IL1RAPL2: variants seen among roughly 807,000 people sequenced by gnomAD.
IL1RAPL2 encodes interleukin 1 receptor accessory protein like 2.
In IL1RAPL2, 3 loss-of-function variants were observed where a neutral mutation model predicts 44.1. The ratio of observed to expected loss-of-function variants is 0.07; its 90% confidence interval spans 0.03 to 0.18. The LOEUF is 0.18. IL1RAPL2 is among the 10% of genes least tolerant of loss of function. The pLI, the probability that IL1RAPL2 is intolerant of heterozygous loss-of-function variation, is 1.00. For missense variants in IL1RAPL2, 391 were observed against 496.4 expected (o/e 0.79, Z 2.02); for synonymous variants, 181 against 178.8 (o/e 1.01, Z -0.10).
At chrX:105,051,394 C>A (rs2031922793) in intron 2 of IL1RAPL2, among the ~76,000 whole-genome samples, 1 of 112,974 alleles carries the variant, frequency 8.9e-6, no homozygotes, top group Admixed American at 9.2e-5. Flanking sequence ...TCAGCCAACT[C>A]AGAATGGGTG....
intron 5 of IL1RAPL2, among the ~76,000 whole-genome samples, chrX:105,458,687 CTT>C (rs746061454): frequency 9.0e-6 from 1 of 111,669 alleles, no homozygotes; most frequent in Non-Finnish European, 1.9e-5. Context: ...CAGTCAGCCT[CTT>C]ATCAATTCCC....
intron 1 of IL1RAPL2, among the ~76,000 whole-genome samples, chrX:104,657,129 C>A (rs764006149): frequency 1.0e-3 from 115 of 111,223 alleles, no homozygotes; most frequent in African/African-American, 3.6e-3. Context: ...ACTCTTTATC[C>A]AATTTGCCAG....
At chrX:105,749,262 A>C (rs751067416) in intron 9 of IL1RAPL2, among the ~76,000 whole-genome samples, 159 bp downstream of exon 9, 4 of 112,376 alleles carry the variant, frequency 3.6e-5, no homozygotes, top group Non-Finnish European at 7.5e-5. Context: ...CTTACCAAGA[A>C]AAAGAGAAAA....
chrX:105,431,818 T>C (rs901692859), intron 5 of IL1RAPL2, among the ~76,000 whole-genome samples: 1 of 111,467 alleles, frequency 9.0e-6, no homozygotes, highest in Non-Finnish European at 1.9e-5. Context: ...TAAGTGAATC[T>C]ATGAGAATGA....
chrX:104,644,682 GA>G lies in IL1RAPL2; in HGVS notation c.-19-14205del, dbSNP rs946225972. 2.7e-5 allele frequency among the ~76,000 whole-genome samples: 3 copies of G among 109,750 alleles called. No individual in the cohort carries two copies. The Admixed American group carries it at 2.9e-4, about 11-fold the overall frequency. ...GTTCAAGTCCCTCCTATTCACTAAA[GA>G]AAAAAAAGTCTGATGGTATTCCCCC... On this transcript the variant is annotated intron_variant, in intron 1 of 10. Coordinates refer to ENST00000372582, the MANE Select transcript of IL1RAPL2 (RefSeq NM_017416.2).
intron 7 of IL1RAPL2, among the ~76,000 whole-genome samples, chrX:105,732,314 C>G (rs2038412960): frequency 9.0e-6 from 1 of 110,839 alleles, no homozygotes; most frequent in Admixed American, 9.6e-5. Context: ...TTGTAATCCC[C>G]ATTGTTGGAG....
At chrX:104,809,578 GT>G (rs777498678) in intron 2 of IL1RAPL2, among the ~76,000 whole-genome samples, 2 of 108,889 alleles carry the variant, frequency 1.8e-5, no homozygotes, top group African/African-American at 6.7e-5. Flanking sequence ...GGGGTTGTTT[GT>G]TTTTTTTCTT....
intron 5 of IL1RAPL2, among the ~76,000 whole-genome samples, chrX:105,343,592 T>C (rs761495602): frequency 4.5e-5 from 5 of 112,326 alleles, no homozygotes; most frequent in African/African-American, 1.6e-4. Flanking sequence ...TGAACCATAG[T>C]AAATAACTAT....
intron 2 of IL1RAPL2, among the ~76,000 whole-genome samples, chrX:104,816,475 T>C (rs1364921203): frequency 8.9e-6 from 1 of 112,054 alleles, no homozygotes; most frequent in Non-Finnish European, 1.9e-5. Flanking sequence ...CTTTGATTAG[T>C]CCTTCCTTCC....
intron 5 of IL1RAPL2, among the ~76,000 whole-genome samples, chrX:105,415,819 T>C (rs925598012): frequency 1.8e-5 from 2 of 111,757 alleles, no homozygotes; most frequent in Non-Finnish European, 1.9e-5. Context: ...AAATTACTTA[T>C]GTTAGAAAAG....
intron 4 of IL1RAPL2, among the ~76,000 whole-genome samples, chrX:105,243,539 A>G (rs1265755638): frequency 2.7e-5 from 2 of 73,974 alleles, no homozygotes; most frequent in African/African-American, 3.1e-4. Flanking sequence ...TTTCATATAT[A>G]TATGTGTGTA....
intron 5 of IL1RAPL2, among the ~76,000 whole-genome samples, chrX:105,274,084 A>G (rs2034467702): frequency 8.9e-6 from 1 of 112,108 alleles, no homozygotes; most frequent in Non-Finnish European, 1.9e-5. Context: ...GAGAACATAA[A>G]CCAAAATATT....
chrX:105,242,579 T>G (rs1470399089), intron 4 of IL1RAPL2, among the ~76,000 whole-genome samples: 1 of 111,782 alleles, frequency 8.9e-6, no homozygotes, highest in Non-Finnish European at 1.9e-5. Flanking sequence ...AAATTTGTAT[T>G]TCTAAAGGGA....
chrX:104,585,327 TAA>T (rs71913985), intron 1 of IL1RAPL2, among the ~76,000 whole-genome samples: 465 of 13,828 alleles, frequency 0.034, 56 homozygotes, highest in African/African-American at 0.16. Flanking sequence ...ATATTATATA[TAA>T]TATATATTAT....
At chrX:104,836,562 TA>T (rs1440703435) in intron 2 of IL1RAPL2, among the ~76,000 whole-genome samples, 2 of 109,913 alleles carry the variant, frequency 1.8e-5, no homozygotes, top group East Asian at 5.7e-4. Context: ...CCACAAAAAT[TA>T]AAAATTAAAA....
chrX:104,954,011 G>T (rs760327265), intron 2 of IL1RAPL2, among the ~76,000 whole-genome samples: 1 of 111,292 alleles, frequency 9.0e-6, no homozygotes, highest in South Asian at 3.7e-4. Context: ...AATCAAAAGT[G>T]TCCAGGGACA....
chrX:104,761,842 CCTT>C (rs200085037), intron 2 of IL1RAPL2, among the ~76,000 whole-genome samples: 4,066 of 49,821 alleles, frequency 0.082, 539 homozygotes, highest in African/African-American at 0.3. Context: ...TTCTCCTTCT[CCTT>C]CTTCTCCTTC....
chrX:104,974,110 T>A (rs2030288467), intron 2 of IL1RAPL2, among the ~76,000 whole-genome samples: 1 of 111,679 alleles, frequency 9.0e-6, no homozygotes, highest in African/African-American at 3.3e-5. Flanking sequence ...ATTCTATATA[T>A]GAGAACTATT....
chrX:104,888,499 A>G (rs1454992978), intron 2 of IL1RAPL2, among the ~76,000 whole-genome samples: 1 of 111,472 alleles, frequency 9.0e-6, no homozygotes, highest in African/African-American at 3.3e-5. Flanking sequence ...CTCATCTTCC[A>G]GAGCACCAGT....
Sources: allele counts gnomAD v4.1 joint callset (sites outside exome capture counted in the v4.1 genomes callset), GRCh38; gene constraint gnomAD v4.1.1; transcripts MANE v1.5; gene names NCBI Gene and HGNC (gene_info 2026-07-23, HGNC 2026-07-21).